The following ELP4 variants were observed in gnomAD, a reference collection of about 807,000 sequenced individuals.
ELP4 encodes the protein elongator acetyltransferase complex subunit 4.
In ELP4, 51 loss-of-function variants were observed where a neutral mutation model predicts 48.9. That is an observed-to-expected ratio of 1.04 (90% CI 0.83 to 1.32). The LOEUF is 1.32. Ranked by LOEUF, ELP4 falls within the 40% of genes most tolerant of loss-of-function variation. ELP4 has a pLI of 0.00. For missense variants in ELP4, 519 were observed against 514.6 expected (o/e 1.01, Z -0.08); for synonymous variants, 210 against 189.2 (o/e 1.11, Z -0.90).
intron 5 of ELP4, among the ~76,000 whole-genome samples, chr11:31,618,337 C>T (rs1043813530): frequency 6.6e-6 from 1 of 152,080 alleles, no homozygotes; most frequent in Non-Finnish European, 1.5e-5. Context: ...GGTCAAGTTG[C>T]CAGCATGTTT....
chr11:31,533,702 T>G (rs2973906), intron 2 of ELP4, among the ~76,000 whole-genome samples: 13,292 of 151,708 alleles, frequency 0.088, 1,612 homozygotes, highest in African/African-American at 0.27. Flanking sequence ...AAGTTTTAAG[T>G]AGGGAAATGA....
chr11:31,535,628 G>A (rs778127760), intron 2 of ELP4, among the ~76,000 whole-genome samples: 9 of 152,178 alleles, frequency 5.9e-5, no homozygotes, highest in Non-Finnish European at 8.8e-5. Flanking sequence ...TTACAGAAGC[G>A]AGTGACTGTG....
intron 2 of ELP4, among the ~76,000 whole-genome samples, chr11:31,525,810 T>A (rs1210699570): frequency 1.3e-5 from 2 of 152,178 alleles, no homozygotes; most frequent in East Asian, 3.8e-4. Context: ...CAGCCAAATC[T>A]ATCATGCTTT....
At chr11:31,764,889 T>A (rs1455129682) in intron 9 of ELP4, among the ~76,000 whole-genome samples, 1 of 152,202 alleles carries the variant, frequency 6.6e-6, no homozygotes, top group Non-Finnish European at 1.5e-5. Context: ...TACAAATTAC[T>A]AATCATGTGT....
intron 3 of ELP4, among the ~76,000 whole-genome samples, chr11:31,549,404 C>T (rs183898961): frequency 4.1e-4 from 62 of 152,260 alleles, no homozygotes; most frequent in African/African-American, 1.3e-3. Flanking sequence ...CATCACTGGC[C>T]ATCAGAGAAA....
At chr11:31,740,808 G>A (rs976729680) in intron 9 of ELP4, among the ~76,000 whole-genome samples, 4 of 152,216 alleles carry the variant, frequency 2.6e-5, no homozygotes, top group South Asian at 2.1e-4. Context: ...AGCTCCCAGC[G>A]TGAGTGATGC....
At chr11:31,698,138 T>C (rs980496225) in intron 9 of ELP4, among the ~76,000 whole-genome samples, 1 of 152,112 alleles carries the variant, frequency 6.6e-6, no homozygotes, top group Non-Finnish European at 1.5e-5. Context: ...GGGGGTGGCG[T>C]GTTAGTCTAA....
chr11:31,594,047 TAAAAC>T (rs368751291), intron 3 of ELP4, among the ~76,000 whole-genome samples: 24 of 152,266 alleles, frequency 1.6e-4, no homozygotes, highest in African/African-American at 5.5e-4. Flanking sequence ...TAATAGAAAA[TAAAAC>T]AAAATTATTG....
intron 3 of ELP4, among the ~76,000 whole-genome samples, chr11:31,550,952 G>T (rs375451899): frequency 1.5e-3 from 228 of 152,216 alleles, no homozygotes; most frequent in Non-Finnish European, 2.2e-3. Context: ...CCATTGCTTT[G>T]ATTGTGCTTT....
At chr11:31,708,048 A>G (rs1480948004) in intron 9 of ELP4, among the ~76,000 whole-genome samples, 2 of 152,160 alleles carry the variant, frequency 1.3e-5, no homozygotes, top group African/African-American at 4.8e-5. Flanking sequence ...ATTACAGCCT[A>G]CCACTCATTC....
chr11:31,613,189 A>G (rs1958014881), intron 5 of ELP4, among the ~76,000 whole-genome samples: 1 of 152,196 alleles, frequency 6.6e-6, no homozygotes, highest in Non-Finnish European at 1.5e-5. Context: ...CATCCATGAT[A>G]TAATGGAGTG....
chr11:31,568,620 A>G (rs983901463), intron 3 of ELP4, among the ~76,000 whole-genome samples: 8 of 152,194 alleles, frequency 5.3e-5, no homozygotes, highest in Admixed American at 3.9e-4. Context: ...CCAGAAATAA[A>G]GCCATACACT....
At chr11:31,524,458 T>C (rs1956265538) in intron 2 of ELP4, among the ~76,000 whole-genome samples, 1 of 152,136 alleles carries the variant, frequency 6.6e-6, no homozygotes, top group African/African-American at 2.4e-5. Context: ...CTCAGCAAAA[T>C]GTTATAGGTT....
At chr11:31,770,117 G>A (rs1948107333) in intron 9 of ELP4, among the ~76,000 whole-genome samples, 1 of 152,004 alleles carries the variant, frequency 6.6e-6, no homozygotes, top group South Asian at 2.1e-4. Flanking sequence ...TCTCAGCTTG[G>A]CCTTGCTAAA....
intron 9 of ELP4, among the ~76,000 whole-genome samples, chr11:31,712,696 A>G (rs1946766925): frequency 6.6e-6 from 1 of 152,212 alleles, no homozygotes; most frequent in African/African-American, 2.4e-5. Flanking sequence ...GGTAAGCTAT[A>G]AAATAGCACT....
intron 1 of ELP4, among the ~76,000 whole-genome samples, chr11:31,515,023 G>GTATATATATA (rs1300342585): frequency 7.3e-6 from 1 of 136,706 alleles, no homozygotes; most frequent in African/African-American, 2.8e-5. Context: ...GTGTGTGTGT[G>GTATATATATA]TGTGTGTGTG....
At chr11:31,667,492 T>C (rs952625206) in intron 9 of ELP4, among the ~76,000 whole-genome samples, 2 of 152,204 alleles carry the variant, frequency 1.3e-5, no homozygotes, top group Admixed American at 1.3e-4. Flanking sequence ...TATTTTTGGA[T>C]GTAACATAAT....
chr11:31,549,540 GACTGTAA>G (rs1592107063), intron 3 of ELP4, among the ~76,000 whole-genome samples: 1 of 151,706 alleles, frequency 6.6e-6, no homozygotes. Context: ...CTGTTGGTGG[GACTGTAA>G]ACTAGTTCAA....
rs1043656584 is a variant in ELP4 at position 31,520,193 on chromosome 11, C to T, written c.259+102C>T. 1.3e-4 allele frequency: 121 copies of T among 953,272 alleles called. 1 individual carries two copies. In the South Asian group the frequency reaches 1.4e-3, roughly 11 times the overall value. 59.1% of individuals were successfully genotyped at this position (953,272 alleles called of 1,614,324 possible). A position where few individuals can be genotyped will look rare whatever the true frequency, so the allele number is the denominator to read the frequency against. ...TCCAAAATTATTTAAATCACTAACACGACAGAAGTTAAGATAAATTAGAGA... is the reference window on the plus strand; with the variant it reads ...TCCAAAATTATTTAAATCACTAACATGACAGAAGTTAAGATAAATTAGAGA... On this transcript the variant is annotated intron_variant, in intron 2 of 9. Coordinates refer to ENST00000640961, the MANE Select transcript of ELP4 (RefSeq NM_019040.5).
Sources: gnomAD v4.1 joint callset for allele counts (sites outside exome capture counted in the v4.1 genomes callset) on GRCh38, gnomAD v4.1.1 for gene constraint, MANE v1.5 for transcripts, NCBI Gene and HGNC (gene_info 2026-07-23, HGNC 2026-07-21) for gene names.